The following MYT1L variants were observed in gnomAD, a reference collection of about 807,000 sequenced individuals.
The protein encoded by MYT1L is myelin transcription factor 1-like protein.
Under a neutral mutation model 126.7 loss-of-function variants are expected in MYT1L, and 12 were observed. The observed-to-expected ratio is 0.09, with a 90% CI of 0.06 to 0.15. The LOEUF is 0.15. Among genes scored for constraint, MYT1L ranks in the 10% least tolerant of loss-of-function variants. The pLI is 1.00. For synonymous variants in MYT1L, 541 were observed against 604.2 expected (o/e 0.90, Z 1.53); for missense variants, 979 against 1,585.2 (o/e 0.62, Z 6.49).
At chr2:2,230,724 C>T (rs1235152783) in intron 2 of MYT1L, among the ~76,000 whole-genome samples, 1 of 152,334 alleles carries the variant, frequency 6.6e-6, no homozygotes, top group Non-Finnish European at 1.5e-5. Context: ...GGGGCTCTGT[C>T]TCAAGCGGGC....
intron 21 of MYT1L, among the ~76,000 whole-genome samples, chr2:1,818,995 C>A (rs1304244488): frequency 6.6e-6 from 1 of 152,092 alleles, no homozygotes; most frequent in Non-Finnish European, 1.5e-5. Flanking sequence ...CCCAGATGGC[C>A]CCCAGCTCCC....
intron 17 of MYT1L, among the ~76,000 whole-genome samples, chr2:1,886,812 A>C (rs1386895554): frequency 6.6e-6 from 1 of 152,208 alleles, no homozygotes; most frequent in African/African-American, 2.4e-5. Context: ...CAATTGTTTA[A>C]AAATAAGATA....
At chr2:2,064,438 TG>T (rs1427603135) in intron 3 of MYT1L, among the ~76,000 whole-genome samples, 1 of 152,130 alleles carries the variant, frequency 6.6e-6, no homozygotes, top group African/African-American at 2.4e-5. Context: ...CAAGATCAGG[TG>T]GAGGGAAGGA....
chr2:1,858,500 A>T (rs2148593329), intron 18 of MYT1L, among the ~76,000 whole-genome samples: 1 of 152,354 alleles, frequency 6.6e-6, no homozygotes, highest in Non-Finnish European at 1.5e-5. Context: ...TTTACTTTGT[A>T]TTAAGAATTG....
chr2:1,926,767 G>C (rs1180187464), intron 9 of MYT1L, among the ~76,000 whole-genome samples: 1 of 152,198 alleles, frequency 6.6e-6, no homozygotes, highest in African/African-American at 2.4e-5. Flanking sequence ...TTGAACTCCT[G>C]ACCTCAAGTG....
intron 2 of MYT1L, among the ~76,000 whole-genome samples, chr2:2,188,928 T>C (rs1054318025): frequency 6.6e-5 from 10 of 152,054 alleles, no homozygotes; most frequent in Non-Finnish European, 1.2e-4. Flanking sequence ...GCTGAAGACC[T>C]GGGAAGCTTC....
At chr2:2,323,590 G>T (rs1282405330) in intron 1 of MYT1L, among the ~76,000 whole-genome samples, 2 of 152,320 alleles carry the variant, frequency 1.3e-5, no homozygotes, top group African/African-American at 4.8e-5. Flanking sequence ...TACAGTCACA[G>T]AATTATATAA....
At chr2:1,895,986 CAACA>C (rs1296453431) in intron 14 of MYT1L, among the ~76,000 whole-genome samples, 6 of 152,104 alleles carry the variant, frequency 3.9e-5, no homozygotes, top group African/African-American at 7.2e-5. Context: ...ACAAATACTT[CAACA>C]AACAAACCAC....
At position 2,279,671 on chromosome 2, in the gene MYT1L, A is replaced by G. The variant is rs144641358; in HGVS notation, c.-421+4733T>C. The stretch of plus-strand genomic sequence containing the variant: ...TTCCATGCCCAGGTTGCTTTTCCCT[A>G]TCAGTTCAGCTTTTTACCTTCAAGT... On this transcript the variant is annotated intron_variant, in intron 2 of 24. Coordinates refer to ENST00000647738, the MANE Select transcript of MYT1L (RefSeq NM_001303052.2). 7.3e-3 allele frequency among the ~76,000 whole-genome samples: 1,114 copies of G among 152,288 alleles called. 14 individuals carry two copies. Among genetic ancestry groups the G allele is most frequent in the African/African-American group, 0.026 (1,071 of 41,558 alleles).
Position 2,295,677 on chromosome 2 carries a change from GAGAC to G in MYT1L, c.-520-11178_-520-11175del, listed in dbSNP as rs1310450953. On this transcript the variant is annotated intron_variant, in intron 1 of 24. Coordinates refer to ENST00000647738, the MANE Select transcript of MYT1L (RefSeq NM_001303052.2). ...AGACAGACAGACAGAGAGAGAGAGA[GAGAC>G]AGACAGAGAGAGAGAGAGAGAGACA... is the stretch of plus-strand genomic sequence containing the variant. Among the ~76,000 whole-genome samples the G allele has an allele frequency of 1.9e-4, 20 of 103,828 alleles. 1 individual carries two copies. The highest frequency in any genetic ancestry group is 4.4e-4 in the African/African-American group (12 of 27,040). 68.1% of individuals were successfully genotyped at this position (103,828 alleles called of 152,430 possible). A position where few individuals can be genotyped will look rare whatever the true frequency, so the allele number is the denominator to read the frequency against.
At chr2:2,044,163 C>T (rs1335096972) in intron 4 of MYT1L, among the ~76,000 whole-genome samples, 2 of 152,152 alleles carry the variant, frequency 1.3e-5, no homozygotes, top group African/African-American at 2.4e-5. Flanking sequence ...GATACAGGTC[C>T]CTGTGCACTC....
At chr2:2,270,166 G>A (rs900348117) in intron 2 of MYT1L, among the ~76,000 whole-genome samples, 4 of 152,210 alleles carry the variant, frequency 2.6e-5, no homozygotes, top group African/African-American at 9.6e-5. Context: ...GAGACTGTCT[G>A]CAACCCAGGG....
chr2:2,237,585 T>C (rs1035294631), intron 2 of MYT1L, among the ~76,000 whole-genome samples: 22 of 152,196 alleles, frequency 1.4e-4, no homozygotes, highest in Admixed American at 8.5e-4. Context: ...ATGGCCTCTT[T>C]ATCCAAAATC....
At chr2:1,970,632 G>C (rs976068796) in intron 8 of MYT1L, among the ~76,000 whole-genome samples, 3 of 152,196 alleles carry the variant, frequency 2.0e-5, no homozygotes, top group Non-Finnish European at 4.4e-5. Context: ...TGTGGCTGCG[G>C]GGAATTGCAC....
chr2:1,839,125 G>A, intron 21 of MYT1L, 24 bp downstream of exon 21: 1 of 1,581,572 alleles, frequency 6.3e-7, no homozygotes. Flanking sequence ...TCCCAGCCAG[G>A]GTCCCGCAGA....
chr2:2,164,773 C>T (rs1022357864), intron 3 of MYT1L, among the ~76,000 whole-genome samples: 12 of 152,234 alleles, frequency 7.9e-5, no homozygotes, highest in African/African-American at 2.9e-4. Flanking sequence ...GAAGCACATA[C>T]ACGCCGTTGC....
chr2:2,217,199 T>G (rs1328067866), intron 2 of MYT1L, among the ~76,000 whole-genome samples: 1 of 151,952 alleles, frequency 6.6e-6, no homozygotes, highest in Non-Finnish European at 1.5e-5. Flanking sequence ...AAATCAAAGA[T>G]ACCACAAGAT....
chr2:2,319,734 T>C (rs57884235), intron 1 of MYT1L, among the ~76,000 whole-genome samples: 5,466 of 151,802 alleles, frequency 0.036, 154 homozygotes, highest in African/African-American at 0.073. Flanking sequence ...GAAGTATTTA[T>C]GATTACCCTT....
chr2:1,906,971 G>A (rs2051145700), intron 13 of MYT1L, among the ~76,000 whole-genome samples: 1 of 151,288 alleles, frequency 6.6e-6, no homozygotes, highest in South Asian at 2.1e-4. Context: ...TATTAGCCAG[G>A]TGTGGTGGTG....
Sources: allele counts gnomAD v4.1 joint callset (sites outside exome capture counted in the v4.1 genomes callset), GRCh38; gene constraint gnomAD v4.1.1; transcripts MANE v1.5; gene names NCBI Gene and HGNC (gene_info 2026-07-23, HGNC 2026-07-21).